PKP4: variants seen among roughly 807,000 people sequenced by gnomAD.
PKP4 encodes the protein plakophilin-4.
Under a neutral mutation model 145.1 loss-of-function variants are expected in PKP4, and 90 were observed. The observed-to-expected ratio is 0.62, with a 90% confidence interval of 0.52 to 0.74. The LOEUF is 0.74. Among genes scored for constraint, PKP4 ranks in the 30% least tolerant of loss-of-function variants. PKP4 has a pLI of 0.00. For missense variants in PKP4, 1,340 were observed against 1,482.7 expected, an observed-to-expected ratio of 0.90 and a Z score of 1.58; for synonymous variants, 563 against 577.2, an observed-to-expected ratio of 0.98 and a Z score of 0.35.
At chr2:158,583,921 C>T (rs752329229) in intron 3 of PKP4, among the ~76,000 whole-genome samples, 3 of 152,114 alleles carry the variant, frequency 2.0e-5, no homozygotes, top group East Asian at 3.9e-4. Context: ...TAGATCACAG[C>T]GAGGGAGCTG....
At chr2:158,461,732 C>T (rs1689801784) in intron 1 of PKP4, among the ~76,000 whole-genome samples, 1 of 152,152 alleles carries the variant, frequency 6.6e-6, no homozygotes, top group Admixed American at 6.5e-5. Context: ...ATAGTTTCCT[C>T]TCCACTAAAT....
intron 3 of PKP4, among the ~76,000 whole-genome samples, chr2:158,593,492 C>CT (rs1254216129): frequency 3.3e-5 from 5 of 152,138 alleles, no homozygotes; most frequent in Non-Finnish European, 5.9e-5. Context: ...GTACTACGTC[C>CT]TTTTTGATCT....
intron 7 of PKP4, among the ~76,000 whole-genome samples, chr2:158,629,166 A>G (rs980609521): frequency 2.0e-5 from 3 of 152,208 alleles, no homozygotes; most frequent in Non-Finnish European, 2.9e-5. Flanking sequence ...TGCAATAGCA[A>G]TCACAGTGTC....
At chr2:158,466,634 G>A (rs1432932789) in intron 1 of PKP4, among the ~76,000 whole-genome samples, 1 of 152,314 alleles carries the variant, frequency 6.6e-6, no homozygotes, top group African/African-American at 2.4e-5. Flanking sequence ...GAACCCGTGA[G>A]GCAGAGGTTG....
At position 158,589,527 on chromosome 2, in the gene PKP4, A is replaced by G. The variant is rs372475928; in HGVS notation, c.245+12144A>G. Among the ~76,000 whole-genome samples the G allele has an allele frequency of 1.4e-4, 21 of 152,246 alleles. 2 individuals carry two copies. The highest frequency in any genetic ancestry group is 1.0e-3 in the South Asian group (5 of 4,828). ...CCACTACCACTATTTTGTCTCTCCTATCTGGAAACTCTGAAGCGCTTGATA... is the reference window on the plus strand; with the variant it reads ...CCACTACCACTATTTTGTCTCTCCTGTCTGGAAACTCTGAAGCGCTTGATA... On this transcript the variant is annotated intron_variant, in intron 3 of 21. Transcript: ENST00000389759.
At chr2:158,664,391 T>A (rs192932174) in intron 15 of PKP4, among the ~76,000 whole-genome samples, 3 of 152,318 alleles carry the variant, frequency 2.0e-5, no homozygotes, top group Admixed American at 2.0e-4. Context: ...GTAAGCAAGT[T>A]CTCAGAACTT....
intron 9 of PKP4, among the ~76,000 whole-genome samples, chr2:158,637,897 T>C (rs1487738606): frequency 6.6e-6 from 1 of 152,212 alleles, no homozygotes; most frequent in Admixed American, 6.5e-5. Flanking sequence ...GGTAAATTTC[T>C]ACTGAATTTT....
At chr2:158,522,930 A>G (rs1279481703) in intron 1 of PKP4, among the ~76,000 whole-genome samples, 1 of 152,214 alleles carries the variant, frequency 6.6e-6, no homozygotes, top group Non-Finnish European at 1.5e-5. Context: ...GACCGGCTTA[A>G]AAAACGGCGC....
chr2:158,601,792 T>C (rs1246845483), intron 3 of PKP4, among the ~76,000 whole-genome samples: 1 of 152,162 alleles, frequency 6.6e-6, no homozygotes, highest in Non-Finnish European at 1.5e-5. Context: ...GGAGTTTCTA[T>C]GGAATCTAGG....
chr2:158,533,274 C>T lies in PKP4; in HGVS notation c.90C>T (p.Pro30=), dbSNP rs778332565. 4.3e-5 allele frequency: 69 copies of T among 1,613,994 alleles called. No homozygotes were observed. The highest frequency in any genetic ancestry group is 5.7e-5 in the Non-Finnish European group (67 of 1,180,030). The change falls in exon 2 of 22, where the codon CCC becomes CCT. Residue 30 remains proline (P), a synonymous_variant. Coordinates refer to ENST00000389759, the MANE Select transcript of PKP4 (RefSeq NM_003628.6). ...EAASTGPGME[P]ETTATTILAS... The stretch of plus-strand genomic sequence containing the variant: ...CCTCCACTGGCCCAGGCATGGAACC[C>T]GAGACCACAGCCACCACTATTCTAG...
chr2:158,461,905 A>G (rs1050652320), intron 1 of PKP4, among the ~76,000 whole-genome samples: 1 of 152,218 alleles, frequency 6.6e-6, no homozygotes, highest in Non-Finnish European at 1.5e-5. Flanking sequence ...GCCTGAGACC[A>G]TGTACATAAA....
At chr2:158,518,813 T>G (rs991051150) in intron 1 of PKP4, among the ~76,000 whole-genome samples, 2 of 152,248 alleles carry the variant, frequency 1.3e-5, no homozygotes, top group African/African-American at 2.4e-5. Context: ...TGGTCAGTAC[T>G]TGGAAGCTAT....
At chr2:158,524,578 C>T (rs377422559) in intron 1 of PKP4, among the ~76,000 whole-genome samples, 2 of 21,894 alleles carry the variant, frequency 9.1e-5, no homozygotes, top group African/African-American at 2.1e-4. Flanking sequence ...CATCAACTAA[C>T]GAGCAAAATC....
At position 158,680,910 on chromosome 2, in the gene PKP4, C is replaced by T. The variant is rs1305096452; in HGVS notation, c.*233C>T. 31 of 435,088 alleles carry T rather than the reference C, an allele frequency of 7.1e-5. No individual in the cohort carries two copies. The highest frequency in any genetic ancestry group is 5.9e-4 in the Middle Eastern group (1 of 1,688). The allele number at this position is 435,088 out of a possible 1,614,324, so 27.0% of individuals were successfully genotyped here. A position where few individuals can be genotyped will look rare whatever the true frequency, so the allele number is the denominator to read the frequency against. ...TCTAATTACTTATAGATTCTGTAGT[C>T]TGGTGAAGGTGTGGGTGACGTGATG... On this transcript the variant is annotated 3_prime_UTR_variant, in exon 22 of 22. Transcript: ENST00000389759.
rs73969030 is a variant in PKP4, at chr2:158,671,768, C to T, written c.2924+1853C>T. ...ACAAGGTGCCAAACGAACAGAAACG[C>T]GTGGAGCGTGGTGGGTGGTGCTGAG... On this transcript the variant is annotated intron_variant, in intron 17 of 21. Coordinates refer to ENST00000389759, the MANE Select transcript of PKP4 (RefSeq NM_003628.6). Among the ~76,000 whole-genome samples the T allele has an allele frequency of 2.7e-3, 417 of 152,284 alleles. 2 individuals carry two copies. Among genetic ancestry groups the T allele is most frequent in the African/African-American group, 9.0e-3 (376 of 41,554 alleles).
chr2:158,588,653 A>G (rs942608588), intron 3 of PKP4, among the ~76,000 whole-genome samples: 8 of 152,214 alleles, frequency 5.3e-5, no homozygotes, highest in Admixed American at 3.9e-4. Flanking sequence ...GAATATGAAC[A>G]TTAGTACAGT....
Position 158,504,971 on chromosome 2 carries a change from G to A in PKP4, c.-5-28209G>A, listed in dbSNP as rs551559336. On this transcript the variant is annotated intron_variant, in intron 1 of 21. Transcript: ENST00000389759. ...ATTGCCAAGCCATCTGTTTGTATCA[G>A]TCTTCACAAAGATGCTTCTTCCAAA... Among the ~76,000 whole-genome samples the A allele has an allele frequency of 2.8e-3, 433 of 152,276 alleles. 4 individuals are homozygous for A. Among genetic ancestry groups the A allele is most frequent in the African/African-American group, 0.01 (420 of 41,558 alleles).
chr2:158,610,974 G>A (rs940632752), intron 4 of PKP4, among the ~76,000 whole-genome samples: 2 of 152,156 alleles, frequency 1.3e-5, no homozygotes, highest in African/African-American at 2.4e-5. Flanking sequence ...ATTGATGGAT[G>A]TTACGTAGGT....
intron 2 of PKP4, among the ~76,000 whole-genome samples, chr2:158,573,055 C>T (rs2047541727): frequency 6.6e-6 from 1 of 152,156 alleles, no homozygotes; most frequent in East Asian, 1.9e-4. Flanking sequence ...ATGGTTTATA[C>T]AAGAAAGCTT....
Sources: allele counts gnomAD v4.1 joint callset (sites outside exome capture counted in the v4.1 genomes callset), GRCh38; gene constraint gnomAD v4.1.1; transcripts MANE v1.5; gene names NCBI Gene and HGNC (gene_info 2026-07-23, HGNC 2026-07-21).